The following FAM227B variants were observed in gnomAD, a reference collection of about 807,000 sequenced individuals.
FAM227B encodes the protein protein FAM227B.
Under a neutral mutation model 73.8 loss-of-function variants are expected in FAM227B, and 88 were observed. That is an observed-to-expected ratio of 1.19 (90% CI 1.00 to 1.42). The LOEUF is 1.42. Among genes scored for constraint, FAM227B ranks in the 40% most tolerant of loss-of-function variants. FAM227B has a pLI of 0.00. For synonymous variants in FAM227B, 210 were observed against 190.5 expected (o/e 1.10, Z -0.84); for missense variants, 632 against 590.9 (o/e 1.07, Z -0.72).
At chr15:49,568,192 C>A in intron 9 of FAM227B, 53 bp downstream of exon 9, 1 of 1,424,688 alleles carries the variant, frequency 7.0e-7, no homozygotes, top group Non-Finnish European at 9.6e-7. Context: ...ACGATTTTTT[C>A]TATTTCATTC....
intron 11 of FAM227B, among the ~76,000 whole-genome samples, chr15:49,460,289 C>T (rs2053675770): frequency 6.6e-6 from 1 of 152,108 alleles, no homozygotes; most frequent in Non-Finnish European, 1.5e-5. Flanking sequence ...TACATAAGTA[C>T]TGATCCACCC....
chr15:49,566,113 G>T (rs564119055), intron 9 of FAM227B, among the ~76,000 whole-genome samples: 1 of 152,314 alleles, frequency 6.6e-6, no homozygotes, highest in South Asian at 2.1e-4. Context: ...AGTAGTAGGA[G>T]ACTAATACAG....
chr15:49,336,362 C>G (rs547133083), intron 13 of FAM227B, among the ~76,000 whole-genome samples: 269 of 152,312 alleles, frequency 1.8e-3, no homozygotes, highest in African/African-American at 6.2e-3. Context: ...AGACACTTCC[C>G]TTTGAAGTGG....
At chr15:49,372,524 T>A (rs1399917601) in intron 11 of FAM227B, among the ~76,000 whole-genome samples, 4 of 152,170 alleles carry the variant, frequency 2.6e-5, no homozygotes, top group African/African-American at 9.6e-5. Flanking sequence ...AGAGTCCTGT[T>A]TTTCCATATT....
intron 5 of FAM227B, among the ~76,000 whole-genome samples, chr15:49,583,501 A>G (rs979629887): frequency 4.6e-5 from 7 of 152,156 alleles, no homozygotes; most frequent in African/African-American, 1.7e-4. Flanking sequence ...TTTTTGGTCT[A>G]AAAAGGGGAG....
chr15:49,378,388 TG>T (rs912406777), intron 11 of FAM227B, among the ~76,000 whole-genome samples: 1 of 152,160 alleles, frequency 6.6e-6, no homozygotes, highest in African/African-American at 2.4e-5. Flanking sequence ...TAGATTGCTT[TG>T]GTTAGTATGA....
intron 11 of FAM227B, among the ~76,000 whole-genome samples, chr15:49,473,846 T>C (rs1416389965): frequency 1.3e-5 from 2 of 152,150 alleles, no homozygotes; most frequent in Non-Finnish European, 2.9e-5. Flanking sequence ...ATTCTACACA[T>C]GCTGTATGAG....
chr15:49,328,695 T>A lies in FAM227B; in HGVS notation c.1420-20A>T, dbSNP rs1404520623. On this transcript the variant is annotated intron_variant, in intron 15 of 15. Transcript: ENST00000299338. The stretch of plus-strand genomic sequence containing the variant: ...GGAACGCTATGAAAATAATACATGA[T>A]TAAAGTTTCACAGATCTTCTTGGAC... 3 of 1,549,690 alleles carry A rather than the reference T, an allele frequency of 1.9e-6. No individual in the cohort carries two copies. In the African/African-American group the frequency reaches 4.1e-5, roughly 21 times the overall value.
At chr15:49,496,375 G>T (rs1199053625) in intron 11 of FAM227B, among the ~76,000 whole-genome samples, 2 of 152,150 alleles carry the variant, frequency 1.3e-5, no homozygotes, top group Non-Finnish European at 2.9e-5. Context: ...TTAGAAATTG[G>T]GGGAGAGGTA....
At chr15:49,458,889 ACTACT>A (rs559210313) in intron 11 of FAM227B, among the ~76,000 whole-genome samples, 2 of 152,150 alleles carry the variant, frequency 1.3e-5, no homozygotes, top group Non-Finnish European at 2.9e-5. Context: ...ACCAACATCT[ACTACT>A]CTATTTAGTA....
At chr15:49,377,500 C>T (rs1206133823) in intron 11 of FAM227B, among the ~76,000 whole-genome samples, 1 of 152,070 alleles carries the variant, frequency 6.6e-6, no homozygotes, top group African/African-American at 2.4e-5. Flanking sequence ...ATGAGGGTTC[C>T]CTTTTCTCCA....
rs190358588 is a variant in FAM227B, at chr15:49,611,037, G to T, written c.105+178C>A. ...GAAAAAGAGAATAGAATGTTGACAAGAGGGAAGACTACAACATAGAGCCTA... is the reference window on the plus strand; with the variant it reads ...GAAAAAGAGAATAGAATGTTGACAATAGGGAAGACTACAACATAGAGCCTA... On this transcript the variant is annotated intron_variant, in intron 3 of 15. Coordinates refer to ENST00000299338, the MANE Select transcript of FAM227B (RefSeq NM_152647.3). Among the ~76,000 whole-genome samples the T allele has an allele frequency of 4.4e-3, 676 of 152,212 alleles. 10 individuals carry two copies. Among genetic ancestry groups the T allele is most frequent in the African/African-American group, 0.016 (645 of 41,546 alleles).
chr15:49,404,084 A>C (rs1046186819), intron 11 of FAM227B, among the ~76,000 whole-genome samples: 1 of 152,084 alleles, frequency 6.6e-6, no homozygotes, highest in Admixed American at 6.6e-5. Flanking sequence ...TGCATTTCTT[A>C]TTCTTGATTT....
intron 10 of FAM227B, among the ~76,000 whole-genome samples, chr15:49,512,236 C>T (rs573927049): frequency 6.6e-6 from 1 of 151,942 alleles, no homozygotes; most frequent in Admixed American, 6.6e-5. Flanking sequence ...CTCTTGAAAG[C>T]TGGAAGTATT....
chr15:49,546,782 T>C (rs1392748992), intron 9 of FAM227B, among the ~76,000 whole-genome samples: 1 of 152,104 alleles, frequency 6.6e-6, no homozygotes, highest in Non-Finnish European at 1.5e-5. Context: ...TGGGACTATG[T>C]GAAAAGACCA....
chr15:49,337,599 A>T (rs918333260), intron 13 of FAM227B, among the ~76,000 whole-genome samples: 5 of 143,626 alleles, frequency 3.5e-5, no homozygotes, highest in African/African-American at 1.3e-4. Flanking sequence ...ATAGGTATAC[A>T]TGTGCCATGG....
At chr15:49,510,337 C>T (rs181649757) in intron 10 of FAM227B, among the ~76,000 whole-genome samples, 30 of 152,064 alleles carry the variant, frequency 2.0e-4, no homozygotes, top group African/African-American at 7.0e-4. Context: ...ATAATGTGGA[C>T]AATTGAGACT....
At chr15:49,550,246 C>T (rs1463933445) in intron 9 of FAM227B, among the ~76,000 whole-genome samples, 6 of 146,382 alleles carry the variant, frequency 4.1e-5, no homozygotes, top group South Asian at 2.2e-4. Context: ...GGCGGCTGGC[C>T]GGGCAGAGGG....
chr15:49,612,405 T>C (rs1038582616), intron 2 of FAM227B, among the ~76,000 whole-genome samples: 5 of 152,154 alleles, frequency 3.3e-5, no homozygotes, highest in African/African-American at 9.7e-5. Flanking sequence ...TCCATGTCCC[T>C]ACAAAGGACA....
Sources: gnomAD v4.1 joint callset for allele counts (sites outside exome capture counted in the v4.1 genomes callset) on GRCh38, gnomAD v4.1.1 for gene constraint, MANE v1.5 for transcripts, NCBI Gene and HGNC (gene_info 2026-07-23, HGNC 2026-07-21) for gene names.